The following NPAT variants were observed in gnomAD, a reference collection of about 807,000 sequenced individuals.
The protein encoded by NPAT is nuclear protein, coactivator of histone transcription, also known as protein NPAT.
In NPAT, 52 loss-of-function variants were observed where a neutral mutation model predicts 130.7. That is an observed-to-expected ratio of 0.40 (90% confidence interval 0.32 to 0.50). NPAT has a LOEUF of 0.50. NPAT is among the 20% of genes least tolerant of loss of function. The probability of loss-of-function intolerance (pLI) is 0.68; values close to 1 mark genes in which losing one functional copy is unlikely to be tolerated. For missense variants in NPAT, 1,687 were observed against 1,662.6 expected, an observed-to-expected ratio of 1.01 and a Z score of -0.26; for synonymous variants, 580 against 584.8, an observed-to-expected ratio of 0.99 and a Z score of 0.12.
rs1360036476 is a variant in NPAT at position 108,171,966 on chromosome 11, AT to A, written c.2785+232del. On this transcript the variant is annotated intron_variant, in intron 13 of 17. Coordinates refer to ENST00000278612, the MANE Select transcript of NPAT (RefSeq NM_002519.3). ...CTTACTAGCACATAGATTGAGAAGT[AT>A]TTGTGAAAAGAAAAAAGAAAAACCA... 83 of 540,134 alleles carry A rather than the reference AT, an allele frequency of 1.5e-4. No individual in the cohort carries two copies. The East Asian group carries it at 2.3e-3, about 15-fold the overall frequency. 33.5% of individuals were successfully genotyped at this position (540,134 alleles called of 1,614,324 possible).
In NPAT at chr11:108,169,724, A is replaced by T; in HGVS notation, c.3010+20T>A. 6.8e-7 allele frequency: 1 copy of T among 1,476,432 alleles called. No homozygotes were observed. The highest frequency in any genetic ancestry group is 9.5e-7 in the Non-Finnish European group (1 of 1,054,120). 91.5% of individuals were successfully genotyped at this position (1,476,432 alleles called of 1,614,324 possible). On this transcript the variant is annotated intron_variant, in intron 15 of 17. Transcript: ENST00000278612. ...AACATACAAACATAAAGTTAACATT[A>T]ATGAAATTAAAAATGGTACCTATAC... is the stretch of plus-strand genomic sequence containing the variant.
intron 10 of NPAT, among the ~76,000 whole-genome samples, chr11:108,177,958 C>A (rs943254821): frequency 6.6e-6 from 1 of 152,110 alleles, no homozygotes. Flanking sequence ...TGGGCTCATG[C>A]GATCCGCCCA....
At chr11:108,221,523 T>G (rs570243435) in intron 1 of NPAT, among the ~76,000 whole-genome samples, 10 of 152,240 alleles carry the variant, frequency 6.6e-5, no homozygotes, top group Admixed American at 1.3e-4. Flanking sequence ...TCAAGAGCCC[T>G]GCGCAAATAA....
At chr11:108,176,455 C>T (rs184831612) in intron 11 of NPAT, 81 bp from the exon 12 acceptor site, 35 of 1,062,522 alleles carry the variant, frequency 3.3e-5, no homozygotes, top group Admixed American at 2.5e-4. Flanking sequence ...TTGGTGATTA[C>T]GCAAATGTTA....
intron 1 of NPAT, among the ~76,000 whole-genome samples, chr11:108,216,945 G>T (rs1274332579): frequency 6.6e-6 from 1 of 152,120 alleles, no homozygotes; most frequent in Non-Finnish European, 1.5e-5. Context: ...CATGTTCACT[G>T]ATCATTATAT....
chr11:108,197,173 T>G (rs759256619), intron 2 of NPAT, 129 bp downstream of exon 2: 13 of 726,720 alleles, frequency 1.8e-5, no homozygotes, highest in Non-Finnish European at 2.8e-5. Flanking sequence ...GTCTTACCAG[T>G]CATGCATGAA....
chr11:108,196,973 T>C (rs937441005), intron 2 of NPAT, among the ~76,000 whole-genome samples: 3 of 152,056 alleles, frequency 2.0e-5, no homozygotes, highest in African/African-American at 4.8e-5. Flanking sequence ...TATCAAAATA[T>C]CTGTTTTATA....
intron 1 of NPAT, among the ~76,000 whole-genome samples, chr11:108,221,953 G>A (rs1268525055): frequency 1.3e-5 from 2 of 152,140 alleles, no homozygotes; most frequent in Non-Finnish European, 1.5e-5. Context: ...ATATGCAACT[G>A]GCATTTCACA....
At chr11:108,219,919 C>T (rs978153083) in intron 1 of NPAT, among the ~76,000 whole-genome samples, 1 of 152,214 alleles carries the variant, frequency 6.6e-6, no homozygotes, top group African/African-American at 2.4e-5. Flanking sequence ...ACTGACTGTA[C>T]TTGCTGAATG....
chr11:108,192,961 A>C (rs560446154), intron 3 of NPAT, among the ~76,000 whole-genome samples: 4 of 152,298 alleles, frequency 2.6e-5, no homozygotes, highest in South Asian at 2.1e-4. Flanking sequence ...TCTCAAAAAA[A>C]AAACAAACAA....
chr11:108,188,499 A>C (rs1012458306), intron 6 of NPAT, among the ~76,000 whole-genome samples: 1 of 152,154 alleles, frequency 6.6e-6, no homozygotes, highest in African/African-American at 2.4e-5. Context: ...AATGAGGGAG[A>C]TCTTGATGGC....
At chr11:108,193,491 C>T (rs1333283049) in intron 3 of NPAT, among the ~76,000 whole-genome samples, 2 of 152,094 alleles carry the variant, frequency 1.3e-5, no homozygotes, top group Admixed American at 6.5e-5. Context: ...TTTGGGAGGC[C>T]GAGGTGGGTG....
At chr11:108,186,794 C>T (rs966029426) in intron 7 of NPAT, among the ~76,000 whole-genome samples, 8 of 152,114 alleles carry the variant, frequency 5.3e-5, no homozygotes, top group African/African-American at 7.2e-5. Context: ...AGTCAGCACA[C>T]TGCATATAGG....
intron 12 of NPAT, among the ~76,000 whole-genome samples, chr11:108,175,530 A>G (rs2077997162): frequency 6.6e-6 from 1 of 152,230 alleles, no homozygotes; most frequent in Non-Finnish European, 1.5e-5. Flanking sequence ...TTCAAGTTTC[A>G]CTTTGTACAG....
At chr11:108,218,680 T>A (rs1181441531) in intron 1 of NPAT, among the ~76,000 whole-genome samples, 1 of 152,194 alleles carries the variant, frequency 6.6e-6, no homozygotes, top group African/African-American at 2.4e-5. Context: ...GAGAAACCAC[T>A]ACTAAGCTTG....
At chr11:108,187,422 A>C (rs1299811628) in intron 7 of NPAT, among the ~76,000 whole-genome samples, 1 of 152,186 alleles carries the variant, frequency 6.6e-6, no homozygotes, top group Non-Finnish European at 1.5e-5. Flanking sequence ...ACTATACTCT[A>C]ACCTGGTCAA....
At chr11:108,175,230 T>C (rs951964386) in intron 12 of NPAT, among the ~76,000 whole-genome samples, 4 of 152,230 alleles carry the variant, frequency 2.6e-5, no homozygotes, top group African/African-American at 9.6e-5. Flanking sequence ...TTACTGTGCC[T>C]AACTTTAAAT....
intron 5 of NPAT, among the ~76,000 whole-genome samples, chr11:108,190,021 C>T (rs1041657549): frequency 2.6e-5 from 4 of 151,494 alleles, no homozygotes; most frequent in Admixed American, 6.6e-5. Context: ...CTTAGAAAAA[C>T]GGTAGTTTGG....
At chr11:108,218,266 A>AT (rs2078452240) in intron 1 of NPAT, among the ~76,000 whole-genome samples, 1 of 152,198 alleles carries the variant, frequency 6.6e-6, no homozygotes, top group Non-Finnish European at 1.5e-5. Flanking sequence ...ATGAGTAACT[A>AT]AATGAATTGA....
Sources: allele counts gnomAD v4.1 joint callset (sites outside exome capture counted in the v4.1 genomes callset), GRCh38; gene constraint gnomAD v4.1.1; transcripts MANE v1.5; gene names NCBI Gene and HGNC (gene_info 2026-07-23, HGNC 2026-07-21).